HDAC9: variants seen among roughly 807,000 people sequenced by gnomAD.
The protein encoded by HDAC9 is histone deacetylase 9, also known as MEF-2 interacting transcription repressor (MITR) protein.
Under a neutral mutation model 139.4 loss-of-function variants are expected in HDAC9, and 41 were observed. That is an observed-to-expected ratio of 0.29 (90% CI 0.23 to 0.38). The LOEUF is 0.38. Among genes scored for constraint, HDAC9 ranks in the 10% least tolerant of loss-of-function variants. The pLI, the probability that HDAC9 is intolerant of heterozygous loss-of-function variation, is 1.00. For synonymous variants in HDAC9, 517 were observed against 476.2 expected, an observed-to-expected ratio of 1.09 and a Z score of -1.12; for missense variants, 1,147 against 1,297.0, an observed-to-expected ratio of 0.88 and a Z score of 1.78.
chr7:18,373,060 A>C (rs1045610225), intron 1 of HDAC9, among the ~76,000 whole-genome samples: 5 of 148,540 alleles, frequency 3.4e-5, no homozygotes, highest in African/African-American at 1.2e-4. Context: ...AGTATCAATA[A>C]ATTAATATCT....
At chr7:18,949,085 T>G (rs1035724852) in intron 23 of HDAC9, 2 of 341,416 alleles carry the variant, frequency 5.9e-6, no homozygotes, top group Non-Finnish European at 1.1e-5. Context: ...TTTGGGAGGG[T>G]TTTTTTTCTG....
Position 18,465,578 on chromosome 7 carries a change from A to C in HDAC9, c.-41-30684A>C, listed in dbSNP as rs565908869. ...TTTTCTGGGCTGCTAGTTTCTGCTG[A>C]GTGGGAATAGGAGCAGGATCTACTC... On this transcript the variant is annotated intron_variant, in intron 1 of 3. Coordinates refer to the HDAC9 transcript ENST00000413509. Among the ~76,000 whole-genome samples, 27 of 152,272 alleles carry C rather than the reference A, an allele frequency of 1.8e-4. No individual in the cohort carries two copies. In the South Asian group the frequency reaches 5.0e-3, roughly 28 times the overall value.
At chr7:18,267,462 G>A (rs958206787) in intron 2 of HDAC9, among the ~76,000 whole-genome samples, 2 of 152,058 alleles carry the variant, frequency 1.3e-5, no homozygotes, top group African/African-American at 4.8e-5. Flanking sequence ...CCACAACACT[G>A]TTATTAGTAC....
At chr7:18,698,130 T>C (rs1004738649) in intron 12 of HDAC9, among the ~76,000 whole-genome samples, 2 of 152,208 alleles carry the variant, frequency 1.3e-5, no homozygotes, top group African/African-American at 2.4e-5. Flanking sequence ...TCAAAAATTC[T>C]TTTTGATCAG....
intron 12 of HDAC9, among the ~76,000 whole-genome samples, chr7:18,715,003 G>C (rs1784598634): frequency 6.6e-6 from 1 of 152,124 alleles, no homozygotes; most frequent in African/African-American, 2.4e-5. Context: ...TTTTAAGTTT[G>C]AGGAAATACT....
chr7:18,954,812 A>C (rs1161848675), intron 24 of HDAC9, among the ~76,000 whole-genome samples: 2 of 152,090 alleles, frequency 1.3e-5, no homozygotes, highest in Non-Finnish European at 2.9e-5. Flanking sequence ...ACCAAAGGGC[A>C]CTATTAGGTG....
At chr7:18,819,599 C>T (rs1359150789) in intron 17 of HDAC9, among the ~76,000 whole-genome samples, 2 of 152,088 alleles carry the variant, frequency 1.3e-5, no homozygotes, top group Non-Finnish European at 2.9e-5. Flanking sequence ...TCTTGTACTT[C>T]CGCATATGGT....
At chr7:18,691,051 C>T (rs1782638101) in intron 12 of HDAC9, among the ~76,000 whole-genome samples, 1 of 151,850 alleles carries the variant, frequency 6.6e-6, no homozygotes. Context: ...TTGGAAAATT[C>T]TGAGCAAAAT....
At chr7:18,908,101 CATGAA>C (rs994939838) in intron 22 of HDAC9, among the ~76,000 whole-genome samples, 1 of 151,744 alleles carries the variant, frequency 6.6e-6, no homozygotes, top group African/African-American at 2.4e-5. Context: ...TAATTTGAGA[CATGAA>C]ATGTCTCAAA....
At chr7:18,347,078 A>G (rs1290654240) in intron 1 of HDAC9, among the ~76,000 whole-genome samples, 2 of 152,182 alleles carry the variant, frequency 1.3e-5, no homozygotes, top group Non-Finnish European at 2.9e-5. Context: ...CACCATACTG[A>G]ATGAATATTT....
intron 1 of HDAC9, among the ~76,000 whole-genome samples, chr7:18,447,131 G>GTA (rs1792369762): frequency 1.3e-5 from 2 of 152,068 alleles, no homozygotes; most frequent in South Asian, 4.1e-4. Context: ...TGGCCCTAGT[G>GTA]TATCTGTGGT....
chr7:18,246,550 C>T (rs1330100138), intron 2 of HDAC9, among the ~76,000 whole-genome samples: 3 of 152,046 alleles, frequency 2.0e-5, no homozygotes, highest in Non-Finnish European at 2.9e-5. Flanking sequence ...AATTCCTAAT[C>T]TTCTTTCTAC....
At chr7:18,648,410 ATG>A (rs145105320) in intron 10 of HDAC9, 54 bp from the exon 11 acceptor site, 56,697 of 901,882 alleles carry the variant, frequency 0.063, 2 homozygotes, top group Non-Finnish European at 0.074. Context: ...GTGTGTGTGT[ATG>A]TGTGTGTGTG....
rs112447779 is a variant in HDAC9, at chr7:18,226,574, A to C, written c.25+64225A>C. 5.3e-4 allele frequency among the ~76,000 whole-genome samples: 81 copies of C among 152,322 alleles called. 1 individual carries two copies. The highest frequency in any genetic ancestry group is 1.8e-3 in the African/African-American group (74 of 41,580). ...AGAATCATTCCCTCCCATAGCAATA[A>C]TGATGTGTGTAAGACAGAGTTGATG... On this transcript the variant is annotated intron_variant, in intron 2 of 12. Transcript: ENST00000417496.
rs201166800 is a variant in HDAC9, at chr7:18,799,040, GACACACACAC to G, written c.2322+5634_2322+5643del. On this transcript the variant is annotated intron_variant, in intron 17 of 25. Transcript: ENST00000686413. Reference sequence around the variant, plus strand: ...GCTAAATATTTAAAATGTGCCCTAAGACACACACACACACACACACACACACACACACACA... The same window carrying G: ...GCTAAATATTTAAAATGTGCCCTAAGACACACACACACACACACACACACA... Among the ~76,000 whole-genome samples, 56 of 47,586 alleles carry G rather than the reference GACACACACAC, an allele frequency of 1.2e-3. 1 individual carries two copies. The highest frequency in any genetic ancestry group is 1.8e-3 in the East Asian group (7 of 4,000). 31.2% of individuals were successfully genotyped at this position (47,586 alleles called of 152,430 possible).
At chr7:18,872,005 A>T (rs753470296) in intron 21 of HDAC9, among the ~76,000 whole-genome samples, 2 of 152,126 alleles carry the variant, frequency 1.3e-5, no homozygotes, top group African/African-American at 2.4e-5. Flanking sequence ...AACCTTACCA[A>T]TGTCACCCTC....
chr7:18,765,490 C>T (rs116845789), intron 15 of HDAC9, among the ~76,000 whole-genome samples: 4,478 of 152,006 alleles, frequency 0.029, 84 homozygotes, highest in Middle Eastern at 0.054. Context: ...CATGGTGATG[C>T]GCACCTGTAG....
At chr7:18,900,036 C>G (rs967021041) in intron 22 of HDAC9, among the ~76,000 whole-genome samples, 6 of 151,970 alleles carry the variant, frequency 3.9e-5, no homozygotes, top group Non-Finnish European at 7.4e-5. Flanking sequence ...AAAAAATGAA[C>G]TGGTCACACG....
In HDAC9 at chr7:18,962,749, A is replaced by G. The variant is rs1454110660; in HGVS notation, c.3022+8519A>G. ...CACTGAGACTAGGACGTACTAGAAGAAAGTCAGGTTTGAGGGAAGATCGTT... is the reference window on the plus strand; with the variant it reads ...CACTGAGACTAGGACGTACTAGAAGGAAGTCAGGTTTGAGGGAAGATCGTT... On this transcript the variant is annotated intron_variant, in intron 24 of 25. Transcript: ENST00000686413. 2.0e-5 allele frequency among the ~76,000 whole-genome samples: 3 copies of G among 152,194 alleles called. No individual in the cohort carries two copies. The East Asian group carries it at 5.8e-4, about 29-fold the overall frequency.
Sources: gnomAD v4.1 joint callset for allele counts (sites outside exome capture counted in the v4.1 genomes callset) on GRCh38, gnomAD v4.1.1 for gene constraint, MANE v1.5 for transcripts, NCBI Gene and HGNC (gene_info 2026-07-23, HGNC 2026-07-21) for gene names.